Variants in RNF24 observed in about 807,000 individuals in gnomAD.
The protein encoded by RNF24 is ring finger protein 24.
Under a neutral mutation model 20.0 loss-of-function variants are expected in RNF24, and 14 were observed. That is an observed-to-expected ratio of 0.70 (90% confidence interval 0.46 to 1.10). The LOEUF (loss-of-function observed/expected upper bound fraction) is 1.10. Ranked by LOEUF, RNF24 falls within the 50% of genes least tolerant of loss-of-function variation. The pLI is 0.00. For synonymous variants in RNF24, 45 were observed against 61.1 expected (o/e 0.74, Z 1.23); for missense variants, 124 against 177.6 (o/e 0.70, Z 1.71).
At chr20:3,990,919 T>C (rs1027705985) in intron 1 of RNF24, among the ~76,000 whole-genome samples, 3 of 151,648 alleles carry the variant, frequency 2.0e-5, no homozygotes, top group Non-Finnish European at 4.4e-5. Flanking sequence ...AGTTCCATGA[T>C]AACATTGCTA....
At chr20:4,006,459 A>G (rs1459647333) in intron 1 of RNF24, among the ~76,000 whole-genome samples, 1 of 152,230 alleles carries the variant, frequency 6.6e-6, no homozygotes, top group African/African-American at 2.4e-5. Flanking sequence ...AAACTTTAGA[A>G]GATGACAACA....
At chr20:3,966,982 T>C (rs2091265698) in intron 1 of RNF24, among the ~76,000 whole-genome samples, 1 of 152,164 alleles carries the variant, frequency 6.6e-6, no homozygotes, top group Non-Finnish European at 1.5e-5. Flanking sequence ...GTAGAAGATA[T>C]GTTGATGCGA....
intron 1 of RNF24, among the ~76,000 whole-genome samples, chr20:3,985,820 C>T (rs186178837): frequency 6.6e-6 from 1 of 151,842 alleles, no homozygotes. Context: ...ATTCTCCTAC[C>T]TCCGCCTCCT....
At chr20:3,958,744 C>A (rs559311460) in intron 2 of RNF24, among the ~76,000 whole-genome samples, 3 of 152,160 alleles carry the variant, frequency 2.0e-5, no homozygotes, top group African/African-American at 7.2e-5. Flanking sequence ...TGGGTTCAAG[C>A]GATTCTCCTG....
chr20:3,968,239 T>C (rs919238145), intron 1 of RNF24, among the ~76,000 whole-genome samples: 9 of 151,632 alleles, frequency 5.9e-5, no homozygotes, highest in African/African-American at 2.2e-4. Context: ...GAGGCAGAGG[T>C]TGCAGTGAGC....
At position 3,933,515 on chromosome 20, in the gene RNF24, C is replaced by T. The variant is rs572874083; in HGVS notation, c.*548G>A. 2.3e-4 allele frequency: 53 copies of T among 229,890 alleles called. No homozygotes were observed. Among genetic ancestry groups the T allele is most frequent in the South Asian group, 1.8e-4 (1 of 5,498 alleles). 14.2% of individuals were successfully genotyped at this position (229,890 alleles called of 1,614,324 possible). A position where few individuals can be genotyped will look rare whatever the true frequency, so the allele number is the denominator to read the frequency against. ...GTAATCCTGAGGGGGAAATGGGTGA[C>T]GAGGAACACTGCTACTCAAAGCCAA... On this transcript the variant is annotated 3_prime_UTR_variant, in exon 6 of 6. Coordinates refer to ENST00000358395, the MANE Select transcript of RNF24 (RefSeq NM_001134337.3).
At chr20:3,977,454 G>C (rs1978961464) in intron 1 of RNF24, among the ~76,000 whole-genome samples, 1 of 151,986 alleles carries the variant, frequency 6.6e-6, no homozygotes, top group African/African-American at 2.4e-5. Context: ...GCAAAATATA[G>C]GGTAAAAAGG....
At chr20:4,014,457 T>C (rs896864643) in intron 1 of RNF24, among the ~76,000 whole-genome samples, 2 of 152,200 alleles carry the variant, frequency 1.3e-5, no homozygotes, top group Non-Finnish European at 2.9e-5. Context: ...AGCAGTGTCC[T>C]GTACGGTGGA....
In RNF24 at chr20:3,937,160, G is replaced by C. The variant is rs982506690; in HGVS notation, c.229-2087C>G. On this transcript the variant is annotated intron_variant, in intron 4 of 5. Coordinates refer to ENST00000358395, the MANE Select transcript of RNF24 (RefSeq NM_001134337.3). ...CCCCAAAATGGAGTTACTATTAATG[G>C]TATAATGTGCTATTATGTTCTGAAT... Among the ~76,000 whole-genome samples, 3 of 152,206 alleles carry C rather than the reference G, an allele frequency of 2.0e-5. No individual in the cohort carries two copies. In the East Asian group the frequency reaches 5.8e-4, roughly 29 times the overall value.
intron 1 of RNF24, among the ~76,000 whole-genome samples, chr20:3,990,660 C>A: frequency 6.6e-6 from 1 of 152,064 alleles, no homozygotes; most frequent in East Asian, 1.9e-4. Context: ...GAGTTAGAGA[C>A]CAGCCTGGGC....
intron 1 of RNF24, among the ~76,000 whole-genome samples, chr20:4,004,992 C>A (rs537414544): frequency 5.9e-5 from 9 of 152,198 alleles, no homozygotes; most frequent in African/African-American, 1.7e-4. Context: ...AAGATCTCTG[C>A]ACTTCCATTA....
chr20:3,967,988 A>G (rs1000828106), intron 1 of RNF24, among the ~76,000 whole-genome samples: 3 of 148,094 alleles, frequency 2.0e-5, no homozygotes, highest in East Asian at 2.0e-4. Flanking sequence ...AAAAAAAAAA[A>G]AAAAAAAGAA....
intron 1 of RNF24, among the ~76,000 whole-genome samples, chr20:3,990,973 G>T (rs1980386890): frequency 6.6e-6 from 1 of 151,954 alleles, no homozygotes; most frequent in African/African-American, 2.4e-5. Flanking sequence ...ACAGGACAGT[G>T]CATGTGGCAT....
intron 2 of RNF24, among the ~76,000 whole-genome samples, chr20:3,960,124 G>T (rs6116121): frequency 0.01 from 1,546 of 152,178 alleles, 17 homozygotes; most frequent in African/African-American, 0.035. Context: ...CTAAGTTATA[G>T]TCTTCCTATG....
chr20:4,012,446 A>G (rs75656170), intron 1 of RNF24, among the ~76,000 whole-genome samples: 2,089 of 151,986 alleles, frequency 0.014, 58 homozygotes, highest in African/African-American at 0.048. Flanking sequence ...ACACCCAAAA[A>G]ACAAAAAAGC....
chr20:3,998,778 A>AAT (rs67796339), intron 1 of RNF24, among the ~76,000 whole-genome samples: 15,616 of 149,554 alleles, frequency 0.1, 1,131 homozygotes, highest in South Asian at 0.24. Context: ...TAAATTAAAA[A>AAT]AAATAAATAA....
chr20:3,937,509 T>G (rs1276408612), intron 4 of RNF24, among the ~76,000 whole-genome samples: 6 of 152,324 alleles, frequency 3.9e-5, no homozygotes, highest in African/African-American at 1.4e-4. Flanking sequence ...TAGGTATATA[T>G]GTGCAGCCAT....
rs186145033 is a variant in RNF24 at position 4,010,557 on chromosome 20, G to A, written c.-8+4880C>T. 2.4e-4 allele frequency among the ~76,000 whole-genome samples: 36 copies of A among 152,036 alleles called. 1 individual carries two copies. The highest frequency in any genetic ancestry group is 8.2e-4 in the African/African-American group (34 of 41,474). ...ATGAAGCTCAAGTTAGTTTCTTTTTGGTCATTTCTTTTTTTGTCATTTCCT... is the reference window on the plus strand; with the variant it reads ...ATGAAGCTCAAGTTAGTTTCTTTTTAGTCATTTCTTTTTTTGTCATTTCCT... On this transcript the variant is annotated intron_variant, in intron 1 of 5. Coordinates refer to ENST00000358395, the MANE Select transcript of RNF24 (RefSeq NM_001134337.3).
chr20:4,001,258 C>T (rs558777878), intron 1 of RNF24, among the ~76,000 whole-genome samples: 3 of 152,212 alleles, frequency 2.0e-5, no homozygotes, highest in South Asian at 2.1e-4. Flanking sequence ...CAGAGTGAGA[C>T]TCCATCTCAA....
Sources: gnomAD v4.1 joint callset for allele counts (sites outside exome capture counted in the v4.1 genomes callset) on GRCh38, gnomAD v4.1.1 for gene constraint, MANE v1.5 for transcripts, NCBI Gene and HGNC (gene_info 2026-07-23, HGNC 2026-07-21) for gene names.